The following NFIB variants were observed in gnomAD, a reference collection of about 807,000 sequenced individuals.
NFIB encodes the protein nuclear factor I B.
A neutral mutation model predicts 61.5 loss-of-function variants in NFIB; 11 were observed. That is an observed-to-expected ratio of 0.18 (90% CI 0.11 to 0.30). NFIB has a LOEUF of 0.30. Among genes scored for constraint, NFIB ranks in the 10% least tolerant of loss-of-function variants. NFIB has a pLI of 1.00. For missense variants in NFIB, 471 were observed against 608.9 expected, an observed-to-expected ratio of 0.77 and a Z score of 2.38; for synonymous variants, 260 against 216.5, an observed-to-expected ratio of 1.20 and a Z score of -1.76.
At chr9:14,440,825 C>T in the NFIB span, among the ~76,000 whole-genome samples, 5 of 152,210 alleles carry the variant, frequency 3.3e-5, no homozygotes, top group South Asian at 2.1e-4. Context: ...TCATTTATCC[C>T]CCTTTGCCTC....
intron 2 of NFIB, among the ~76,000 whole-genome samples, chr9:14,251,275 T>A (rs557105238): frequency 6.6e-6 from 1 of 152,136 alleles, no homozygotes; most frequent in African/African-American, 2.4e-5. Flanking sequence ...TACCAACACA[T>A]AACGAAGGAC....
At chr9:14,410,087 C>A in the NFIB span, among the ~76,000 whole-genome samples, 2 of 151,856 alleles carry the variant, frequency 1.3e-5, no homozygotes, top group Non-Finnish European at 2.9e-5. Context: ...AAGTCTGTAA[C>A]CGTGTTAAGT....
chr9:14,267,239 G>A (rs118170660), intron 2 of NFIB, among the ~76,000 whole-genome samples: 3,244 of 152,230 alleles, frequency 0.021, 60 homozygotes, highest in Middle Eastern at 0.065. Flanking sequence ...TCTGCATATG[G>A]ATCTTTTACA....
At chr9:14,491,723 A>C in the NFIB span, among the ~76,000 whole-genome samples, 2 of 152,180 alleles carry the variant, frequency 1.3e-5, no homozygotes, top group Non-Finnish European at 2.9e-5. Flanking sequence ...CAGAAGTTTA[A>C]TTATAAATTC....
At chr9:14,375,645 CA>C (rs2061410320) in intron 1 of NFIB, among the ~76,000 whole-genome samples, 1 of 150,884 alleles carries the variant, frequency 6.6e-6, no homozygotes, top group Admixed American at 6.6e-5. Context: ...GCAAAAAGAG[CA>C]AAAACTCCAT....
At chr9:14,391,435 T>A (rs991633196) in intron 1 of NFIB, among the ~76,000 whole-genome samples, 1 of 138,158 alleles carries the variant, frequency 7.2e-6, no homozygotes. Flanking sequence ...TGGTCAGAGC[T>A]GGTACCAGGG....
intron 10 of NFIB, among the ~76,000 whole-genome samples, chr9:14,096,890 G>A (rs988689764): frequency 1.3e-5 from 2 of 152,166 alleles, no homozygotes; most frequent in Non-Finnish European, 2.9e-5. Flanking sequence ...ATGGCAGCAT[G>A]CAAGTCTGGC....
intron 8 of NFIB, among the ~76,000 whole-genome samples, chr9:14,119,886 A>G (rs1308595367): frequency 6.6e-6 from 1 of 152,138 alleles, no homozygotes; most frequent in East Asian, 1.9e-4. Context: ...CCACTGCACA[A>G]TGTTTCCAAA....
At position 14,161,501 on chromosome 9, in the gene NFIB, G is replaced by A. The variant is rs143504159; in HGVS notation, c.617-5608C>T. ...CCTTCCAGTCCTTTAAACTTTTTCC[G>A]CATATATATATATATTTATTTATAA... On this transcript the variant is annotated intron_variant, in intron 3 of 10. Coordinates refer to ENST00000380953, the MANE Select transcript of NFIB (RefSeq NM_001190737.2). 4.8e-3 allele frequency among the ~76,000 whole-genome samples: 723 copies of A among 150,094 alleles called. 5 individuals are homozygous for A. The highest frequency in any genetic ancestry group is 0.015 in the African/African-American group (624 of 40,846).
At chr9:14,132,200 C>A (rs967773183) in intron 6 of NFIB, among the ~76,000 whole-genome samples, 1 of 152,072 alleles carries the variant, frequency 6.6e-6, no homozygotes, top group Admixed American at 6.6e-5. Context: ...ATGATTTAGT[C>A]CTTTTTCTAG....
In NFIB at chr9:14,233,421, C is replaced by CTT. The variant is rs766595252; in HGVS notation, c.563-53643_563-53642dup. Among the ~76,000 whole-genome samples, 715 of 109,102 alleles carry CTT rather than the reference C, an allele frequency of 6.6e-3. 8 individuals carry two copies. The highest frequency in any genetic ancestry group is 0.022 in the African/African-American group (643 of 28,756). 71.6% of individuals were successfully genotyped at this position (109,102 alleles called of 152,430 possible). On this transcript the variant is annotated intron_variant, in intron 2 of 10. Coordinates refer to ENST00000380953, the MANE Select transcript of NFIB (RefSeq NM_001190737.2). ...AGTATTTAGCTCTTTTGCTATTATTCTTTTTTTTTTTTTTTTTTTTTTTTA... is the reference window on the plus strand; with the variant it reads ...AGTATTTAGCTCTTTTGCTATTATTCTTTTTTTTTTTTTTTTTTTTTTTTTTA...
intron 2 of NFIB, among the ~76,000 whole-genome samples, chr9:14,225,753 G>A (rs1315796693): frequency 6.6e-6 from 1 of 151,994 alleles, no homozygotes; most frequent in Non-Finnish European, 1.5e-5. Context: ...CAACTTTACT[G>A]TAATTCTCCA....
chr9:14,324,399 G>C (rs1027603633), intron 1 of NFIB, among the ~76,000 whole-genome samples: 1 of 152,186 alleles, frequency 6.6e-6, no homozygotes, highest in Non-Finnish European at 1.5e-5. Flanking sequence ...TAACATGTAA[G>C]TAACACTTGC....
intron 5 of NFIB, among the ~76,000 whole-genome samples, chr9:14,149,893 A>C (rs1327398242): frequency 1.3e-5 from 2 of 152,184 alleles, no homozygotes; most frequent in African/African-American, 4.8e-5. Flanking sequence ...ACAACAGGAC[A>C]AAAGTCATAT....
chr9:14,206,563 T>C (rs545235636), intron 2 of NFIB, among the ~76,000 whole-genome samples: 1 of 151,966 alleles, frequency 6.6e-6, no homozygotes, highest in East Asian at 1.9e-4. Context: ...TCCTTGAGAG[T>C]TTCCAAATAC....
At chr9:14,345,508 G>A (rs903854478) in intron 1 of NFIB, among the ~76,000 whole-genome samples, 2 of 152,152 alleles carry the variant, frequency 1.3e-5, no homozygotes, top group African/African-American at 4.8e-5. Flanking sequence ...CTATGCGAAA[G>A]GTGCAGAGGA....
the NFIB span, among the ~76,000 whole-genome samples, chr9:14,526,858 C>G: frequency 6.6e-6 from 1 of 152,150 alleles, no homozygotes; most frequent in Admixed American, 6.5e-5. Context: ...GAGAACACGA[C>G]CCTTTGCTTC....
At chr9:14,266,839 G>A (rs1021785030) in intron 2 of NFIB, among the ~76,000 whole-genome samples, 1 of 152,032 alleles carries the variant, frequency 6.6e-6, no homozygotes, top group Non-Finnish European at 1.5e-5. Flanking sequence ...CACCAAATCT[G>A]AAGAATGATT....
intron 1 of NFIB, among the ~76,000 whole-genome samples, chr9:14,397,846 C>T (rs995792216): frequency 9.2e-5 from 14 of 152,124 alleles, no homozygotes; most frequent in African/African-American, 3.4e-4. Context: ...TGGGTACGTG[C>T]TGCTTTTCAG....
Sources: gnomAD v4.1 joint callset for allele counts (sites outside exome capture counted in the v4.1 genomes callset) on GRCh38, gnomAD v4.1.1 for gene constraint, MANE v1.5 for transcripts, NCBI Gene and HGNC (gene_info 2026-07-23, HGNC 2026-07-21) for gene names.